The following PRAG1 variants were observed in gnomAD, a reference collection of about 807,000 sequenced individuals.
PRAG1 encodes the protein PEAK1 related, kinase-activating pseudokinase 1, also known as inactive tyrosine-protein kinase PRAG1.
PRAG1 carries 110 observed loss-of-function variants against 95.6 expected under a neutral mutation model. The observed-to-expected ratio is 1.15, with a 90% CI of 0.99 to 1.35. The LOEUF (loss-of-function observed/expected upper bound fraction) is 1.35, where lower values mean the gene tolerates loss of function less well. PRAG1 is among the 40% of genes most tolerant of loss of function. PRAG1 has a pLI of 0.00. For missense variants in PRAG1, 2,554 were observed against 1,864.7 expected, an observed-to-expected ratio of 1.37 and a Z score of -6.81; for synonymous variants, 1,052 against 819.4, an observed-to-expected ratio of 1.28 and a Z score of -4.85.
intron 3 of PRAG1, among the ~76,000 whole-genome samples, chr8:8,356,003 A>T (rs1283431809): frequency 2.0e-5 from 3 of 152,252 alleles, no homozygotes; most frequent in African/African-American, 7.2e-5. Context: ...GGAACTGGGA[A>T]AAAATGTTTG....
At chr8:8,380,558 C>G (rs1800598495) in intron 2 of PRAG1, among the ~76,000 whole-genome samples, 1 of 149,698 alleles carries the variant, frequency 6.7e-6, no homozygotes, top group Non-Finnish European at 1.5e-5. Flanking sequence ...GAGATCCAGC[C>G]TGAGTGACAG....
chr8:8,327,434 G>A (rs988387832), intron 5 of PRAG1, among the ~76,000 whole-genome samples: 2 of 152,180 alleles, frequency 1.3e-5, no homozygotes, highest in Non-Finnish European at 2.9e-5. Flanking sequence ...GCTGGGTACC[G>A]TGGTGCACAC....
chr8:8,380,832 G>A (rs746754331), intron 2 of PRAG1, among the ~76,000 whole-genome samples: 1 of 118,040 alleles, frequency 8.5e-6, no homozygotes, highest in African/African-American at 3.5e-5. Context: ...CAGCCTGGAC[G>A]ACAGAGAGAG....
At chr8:8,378,539 G>A (rs867402411) in intron 2 of PRAG1, among the ~76,000 whole-genome samples, 10 of 152,042 alleles carry the variant, frequency 6.6e-5, no homozygotes, top group Non-Finnish European at 8.8e-5. Flanking sequence ...TGAAGAAATC[G>A]AAGTCTTAAG....
chr8:8,319,240 A>G lies in PRAG1; in HGVS notation c.3135T>C (p.Phe1045=), dbSNP rs1798396798. 6.4e-7 allele frequency: 1 copy of G among 1,560,736 alleles called. No individual in the cohort carries two copies. Among genetic ancestry groups the G allele is most frequent in the Non-Finnish European group, 8.7e-7 (1 of 1,147,756 alleles). Residue 1045 remains phenylalanine, a synonymous_variant, in exon 6 of 6, where the codon TTT becomes TTC. Transcript: ENST00000615670. ...AGTGGCCGCAGTCCTGCTGGATGTT[A>G]AAGTGCACGGGCACGGACGGGCTGC... The part of the protein sequence containing the change: ...SYCSPSVPVH[F]NIQQDCGHFV...
At chr8:8,369,116 G>T (rs1219079276) in intron 3 of PRAG1, among the ~76,000 whole-genome samples, 1 of 151,730 alleles carries the variant, frequency 6.6e-6, no homozygotes, top group African/African-American at 2.4e-5. Flanking sequence ...AGCGAGAATA[G>T]TTGCAGAATC....
chr8:8,319,985 T>C (rs1288130153), intron 5 of PRAG1, among the ~76,000 whole-genome samples: 1 of 152,192 alleles, frequency 6.6e-6, no homozygotes, highest in Non-Finnish European at 1.5e-5. Context: ...CAGACATTGC[T>C]GATGGGAATG....
chr8:8,327,761 A>G lies in PRAG1; in HGVS notation c.3021T>C (p.Ile1007=), dbSNP rs771631162. Residue 1007 remains isoleucine (I), a synonymous_variant, in exon 5 of 6, where the codon ATT becomes ATC. Coordinates refer to ENST00000615670, the MANE Select transcript of PRAG1 (RefSeq NM_001080826.3). The part of the protein sequence containing the change: ...NKPCCDSGDA[I]YYCATCSEDP... ...CCTCAGAGCAGGTGGCACAGTAATA[A>G]ATGGCATCCCCCGAGTCACAGCAGG... The G allele has an allele frequency of 6.2e-7, 1 of 1,614,144 alleles. No individual in the cohort carries two copies. The highest frequency in any genetic ancestry group is 1.7e-5 in the Admixed American group (1 of 60,022).
rs200726030 is a variant in PRAG1, at chr8:8,377,014, G to A, written c.1395C>T (p.Asp465=). 5 of 1,613,944 alleles carry A rather than the reference G, an allele frequency of 3.1e-6. No homozygotes were observed. The African/African-American group carries it at 5.3e-5, about 17-fold the overall frequency. The change falls in exon 3 of 6, where the codon GAC becomes GAT. Residue 465 remains aspartate (D), a synonymous_variant. Coordinates refer to ENST00000615670, the MANE Select transcript of PRAG1 (RefSeq NM_001080826.3). ...TGGTGGCTGACACCTGGGGAGTTGG[G>A]TCTGGGCTGTCCCGGCCCCAGCCAG... ...AASGWGRDSP[D]PTPQVSATIT... is the part of the protein sequence containing the mutation.
At chr8:8,374,975 G>A (rs898884160) in intron 3 of PRAG1, among the ~76,000 whole-genome samples, 2 of 151,662 alleles carry the variant, frequency 1.3e-5, no homozygotes, top group Non-Finnish European at 2.9e-5. Context: ...GTAATTTTTT[G>A]AAAAACAGTA....
chr8:8,361,683 T>A (rs967521003), intron 3 of PRAG1, among the ~76,000 whole-genome samples: 3 of 152,256 alleles, frequency 2.0e-5, no homozygotes, highest in Non-Finnish European at 4.4e-5. Context: ...CCATCTTTAA[T>A]AAGTCCTTCA....
In PRAG1 at chr8:8,328,379, A is replaced by T; in HGVS notation, c.2403T>A (p.Thr801=). ...FAPVPFPSGS[T]EDVSPSGPQQ... ...GGGGGCCACTGGGGGACACGTCCTCAGTGGAGCCTGAAGGAAACGGAACGG... is the reference window on the plus strand; with the variant it reads ...GGGGGCCACTGGGGGACACGTCCTCTGTGGAGCCTGAAGGAAACGGAACGG... The change falls in exon 5 of 6, where the codon ACT becomes ACA. Residue 801 remains threonine, a synonymous_variant. Coordinates refer to ENST00000615670, the MANE Select transcript of PRAG1 (RefSeq NM_001080826.3). The T allele has an allele frequency of 6.2e-7, 1 of 1,613,678 alleles. No individual in the cohort carries two copies. The highest frequency in any genetic ancestry group is 1.1e-5 in the South Asian group (1 of 91,066).
intron 3 of PRAG1, among the ~76,000 whole-genome samples, chr8:8,359,553 A>T (rs1453721372): frequency 6.6e-6 from 1 of 152,220 alleles, no homozygotes; most frequent in Non-Finnish European, 1.5e-5. Flanking sequence ...CCGTCTGATT[A>T]CTTGACTGGT....
chr8:8,375,958 A>T (rs1411875798), intron 3 of PRAG1, among the ~76,000 whole-genome samples: 1 of 152,232 alleles, frequency 6.6e-6, no homozygotes, highest in Non-Finnish European at 1.5e-5. Context: ...AGAGGACCAG[A>T]TTATAAAAAT....
At chr8:8,381,875 G>T in intron 1 of PRAG1, 41 bp from the exon 2 acceptor site, 1 of 672,376 alleles carries the variant, frequency 1.5e-6, no homozygotes, top group Non-Finnish European at 2.5e-6. Flanking sequence ...GATTTGCCAT[G>T]CCAGACAATG....
At chr8:8,340,072 C>G (rs144355808) in intron 3 of PRAG1, among the ~76,000 whole-genome samples, 1 of 152,160 alleles carries the variant, frequency 6.6e-6, no homozygotes, top group East Asian at 1.9e-4. Flanking sequence ...GCAAACTAGG[C>G]CTTTACAAGT....
intron 3 of PRAG1, among the ~76,000 whole-genome samples, chr8:8,339,878 C>T (rs2116836677): frequency 6.6e-6 from 1 of 152,242 alleles, no homozygotes. Flanking sequence ...TAAACAAGCA[C>T]CAAAATTCTT....
At chr8:8,363,044 G>GAT (rs1006606821) in intron 3 of PRAG1, among the ~76,000 whole-genome samples, 54 of 148,140 alleles carry the variant, frequency 3.6e-4, no homozygotes, top group Non-Finnish European at 5.8e-4. Context: ...AAAGTATAAA[G>GAT]ATATATATAT....
Position 8,377,138 on chromosome 8 carries a change from G to A in PRAG1, c.1271C>T (p.Pro424Leu), listed in dbSNP as rs200408112. The A allele has an allele frequency of 7.4e-5, 120 of 1,612,502 alleles. No homozygotes were observed. The highest frequency in any genetic ancestry group is 4.3e-4 in the Admixed American group (26 of 60,030). Residue 424 changes from proline (P) to leucine (L), a missense_variant, in exon 3 of 6, where the codon CCG becomes CTG. Transcript: ENST00000615670. The part of the protein sequence containing the change: ...AESTKRKKAA[P>L]VPSKSQAKIE... ...CTTGGCCTGTGACTTGGAAGGCACC[G>A]GAGCTGCCTTCTTCCTCTTGGTGCT...
Sources: gnomAD v4.1 joint callset for allele counts (sites outside exome capture counted in the v4.1 genomes callset) on GRCh38, gnomAD v4.1.1 for gene constraint, MANE v1.5 for transcripts, NCBI Gene and HGNC (gene_info 2026-07-23, HGNC 2026-07-21) for gene names.